GAP43: variants seen among roughly 807,000 people sequenced by gnomAD.
GAP43 encodes the protein growth associated protein 43.
GAP43 carries 6 observed loss-of-function variants against 18.6 expected under a neutral mutation model. That is an observed-to-expected ratio of 0.32 (90% CI 0.18 to 0.64). The LOEUF is 0.64. Among genes scored for constraint, GAP43 ranks in the 30% least tolerant of loss-of-function variants. The probability of loss-of-function intolerance (pLI) is 0.78; values close to 1 mark genes in which losing one functional copy is unlikely to be tolerated. For synonymous variants in GAP43, 115 were observed against 111.4 expected (o/e 1.03, Z -0.20); for missense variants, 292 against 295.5 (o/e 0.99, Z 0.09).
At chr3:115,663,512 T>C in intron 1 of GAP43, 14 of 1,208,352 alleles carry the variant, frequency 1.2e-5, no homozygotes, top group Non-Finnish European at 1.3e-5. Context: ...TTTTCTCTTT[T>C]GCTTTCAGAA....
chr3:115,625,206 CATAA>C (rs112440898), intron 1 of GAP43, among the ~76,000 whole-genome samples: 3 of 143,340 alleles, frequency 2.1e-5, no homozygotes, highest in South Asian at 2.3e-4. Context: ...AGAGATTTGG[CATAA>C]ATAAATAAAT....
chr3:115,679,761 G>GTGT (rs1708937639), intron 2 of GAP43, among the ~76,000 whole-genome samples: 1 of 152,118 alleles, frequency 6.6e-6, no homozygotes, highest in African/African-American at 2.4e-5. Flanking sequence ...CAGTGATGTG[G>GTGT]TACAACCAAG....
intron 1 of GAP43, among the ~76,000 whole-genome samples, chr3:115,649,028 T>TAGTAGAA (rs1708493291): frequency 1.3e-5 from 2 of 152,076 alleles, no homozygotes; most frequent in Non-Finnish European, 2.9e-5. Flanking sequence ...TACAGATAAC[T>TAGTAGAA]GGCATAGACC....
chr3:115,700,992 C>G (rs750395999), intron 2 of GAP43, among the ~76,000 whole-genome samples: 12 of 152,090 alleles, frequency 7.9e-5, no homozygotes, highest in Non-Finnish European at 1.6e-4. Flanking sequence ...AAGACTATGA[C>G]AAAATGTTTA....
intron 1 of GAP43, among the ~76,000 whole-genome samples, chr3:115,632,997 G>C (rs1475641011): frequency 6.7e-6 from 1 of 149,612 alleles, no homozygotes; most frequent in Non-Finnish European, 1.5e-5. Flanking sequence ...AACTTTAAGA[G>C]TCTATAAAAG....
At chr3:115,669,244 C>T (rs899930487) in intron 1 of GAP43, among the ~76,000 whole-genome samples, 1 of 152,048 alleles carries the variant, frequency 6.6e-6, no homozygotes, top group Non-Finnish European at 1.5e-5. Flanking sequence ...TCTTGTTAAA[C>T]CTCTGCTTAC....
chr3:115,626,621 G>T (rs1708190895), intron 1 of GAP43, among the ~76,000 whole-genome samples: 1 of 152,172 alleles, frequency 6.6e-6, no homozygotes, highest in Non-Finnish European at 1.5e-5. Flanking sequence ...TATTGCAGAT[G>T]ATTAAAAACT....
chr3:115,638,750 A>G (rs993403255), intron 1 of GAP43, among the ~76,000 whole-genome samples: 1 of 151,630 alleles, frequency 6.6e-6, no homozygotes, highest in Admixed American at 6.6e-5. Context: ...CCTTTTCTAC[A>G]TGACACATTT....
Position 115,714,332 on chromosome 3 carries a change from G to A in GAP43, c.629-6462G>A, listed in dbSNP as rs1480384782. Reference sequence around the variant, plus strand: ...AAATTCATGGAGGCTGCCAGTGAACGTGGTGGTAATCTCTAAGCTGTCTTT... The same window carrying A: ...AAATTCATGGAGGCTGCCAGTGAACATGGTGGTAATCTCTAAGCTGTCTTT... On this transcript the variant is annotated intron_variant, in intron 2 of 2. Transcript: ENST00000305124. Among the ~76,000 whole-genome samples the A allele has an allele frequency of 2.6e-5, 4 of 152,162 alleles. 1 individual carries two copies. The highest frequency in any genetic ancestry group is 9.7e-5 in the African/African-American group (4 of 41,434).
chr3:115,717,964 G>A (rs1260486440), intron 2 of GAP43, among the ~76,000 whole-genome samples: 1 of 152,178 alleles, frequency 6.6e-6, no homozygotes, highest in Admixed American at 6.5e-5. Flanking sequence ...GGAACAGAAA[G>A]TGTAGCTGCA....
intron 1 of GAP43, among the ~76,000 whole-genome samples, chr3:115,627,443 C>T (rs955617285): frequency 9.9e-5 from 15 of 151,814 alleles, no homozygotes; most frequent in Non-Finnish European, 1.3e-4. Flanking sequence ...TACTCCTGTT[C>T]ACCGAGAGGG....
intron 1 of GAP43, among the ~76,000 whole-genome samples, chr3:115,654,600 A>G (rs769108817): frequency 1.3e-5 from 2 of 152,218 alleles, no homozygotes; most frequent in Non-Finnish European, 2.9e-5. Flanking sequence ...AATCCTGCCA[A>G]ACGTTGGCTG....
chr3:115,657,787 G>A (rs1708602343), intron 1 of GAP43, among the ~76,000 whole-genome samples: 3 of 152,068 alleles, frequency 2.0e-5, no homozygotes, highest in South Asian at 2.1e-4. Context: ...GAACTCCTGA[G>A]CTCAAGCAAT....
chr3:115,659,081 C>T (rs1003439190), intron 1 of GAP43: 2 of 152,224 alleles, frequency 1.3e-5, no homozygotes, highest in Admixed American at 6.5e-5. Context: ...TAGCATTCTT[C>T]GGGCTGTTTG....
intron 2 of GAP43, among the ~76,000 whole-genome samples, chr3:115,711,305 G>T (rs1015800171): frequency 1.3e-4 from 20 of 152,074 alleles, no homozygotes; most frequent in Non-Finnish European, 2.6e-4. Context: ...ATTTCAAAAA[G>T]AATTCAGGAA....
intron 2 of GAP43, among the ~76,000 whole-genome samples, chr3:115,677,404 T>G (rs3772917): frequency 0.9 from 137,060 of 152,170 alleles, 61,923 homozygotes; most frequent in East Asian, 0.94. Context: ...ATTCTCTTCA[T>G]TTTGGAGCTG....
chr3:115,700,620 T>C (rs1034858985), intron 2 of GAP43, among the ~76,000 whole-genome samples: 1 of 152,120 alleles, frequency 6.6e-6, no homozygotes, highest in Non-Finnish European at 1.5e-5. Flanking sequence ...CTCTCTATAT[T>C]ATTATGTACA....
At position 115,721,139 on chromosome 3, in the gene GAP43, G is replaced by A; in HGVS notation, c.*257G>A. 1 of 240,564 alleles carries A rather than the reference G, an allele frequency of 4.2e-6. No individual in the cohort carries two copies. The highest frequency in any genetic ancestry group is 8.6e-5 in the East Asian group (1 of 11,682). The allele number at this position is 240,564 out of a possible 1,614,324, so 14.9% of individuals were successfully genotyped here. A position where few individuals can be genotyped will look rare whatever the true frequency, so the allele number is the denominator to read the frequency against. ...TTGGTGTTGTTATGGCAAGTTTTTG[G>A]TAATGATGATTCAATCATTTTGGGA... On this transcript the variant is annotated 3_prime_UTR_variant, in exon 3 of 3. Transcript: ENST00000305124.
chr3:115,655,932 A>G (rs1425986671), intron 1 of GAP43, among the ~76,000 whole-genome samples: 1 of 152,208 alleles, frequency 6.6e-6, no homozygotes, highest in Non-Finnish European at 1.5e-5. Flanking sequence ...CCTGGGATGG[A>G]AGGATAATAA....
Sources: allele counts gnomAD v4.1 joint callset (sites outside exome capture counted in the v4.1 genomes callset), GRCh38; gene constraint gnomAD v4.1.1; transcripts MANE v1.5; gene names NCBI Gene and HGNC (gene_info 2026-07-23, HGNC 2026-07-21).